C2: variants seen among roughly 807,000 people sequenced by gnomAD.
C2 encodes complement C2, also known as C3/C5 convertase.
Under a neutral mutation model 85.2 loss-of-function variants are expected in C2, and 64 were observed. That is an observed-to-expected ratio of 0.75 (90% CI 0.61 to 0.92). The LOEUF (loss-of-function observed/expected upper bound fraction) is 0.92. C2 is among the 40% of genes least tolerant of loss of function. The pLI, the probability that C2 is intolerant of heterozygous loss-of-function variation, is 0.00. For missense variants in C2, 820 were observed against 971.6 expected (o/e 0.84, Z 2.07); for synonymous variants, 311 against 370.8 (o/e 0.84, Z 1.85).
At chr6:31,913,501 G>A (rs1582030343) in intron 1 of C2, among the ~76,000 whole-genome samples, 1 of 152,174 alleles carries the variant, frequency 6.6e-6, no homozygotes, top group East Asian at 1.9e-4. Flanking sequence ...ATTTGAACCT[G>A]GAAGGCAGAG....
chr6:31,934,331 G>A lies in C2; in HGVS notation c.849+32G>A, dbSNP rs550634577. 14 of 1,613,542 alleles carry A rather than the reference G, an allele frequency of 8.7e-6. No individual in the cohort carries two copies. In the South Asian group the frequency reaches 1.5e-4, roughly 18 times the overall value. ...AATCAGGAGTCTGCCTGCAGCAGAG[G>A]CCTTCCTGTGCTCACTATCTCTCTC... On this transcript the variant is annotated intron_variant, in intron 6 of 17. Transcript: ENST00000299367.
At chr6:31,906,217 GGCTT>G (rs1767701964) in intron 1 of C2, among the ~76,000 whole-genome samples, 1 of 151,898 alleles carries the variant, frequency 6.6e-6, no homozygotes, top group African/African-American at 2.4e-5. Context: ...TGTTGGAAGG[GGCTT>G]ACTGCTTGGG....
rs767634307 is a variant in C2, at chr6:31,934,308, T to C, written c.849+9T>C. On this transcript the variant is annotated intron_variant, in intron 6 of 17. Transcript: ENST00000299367. ...CCCTCATGGTGGACAGGGTCAGGAA[T>C]CAGGAGTCTGCCTGCAGCAGAGGCC... 10 of 1,593,846 alleles carry C rather than the reference T, an allele frequency of 6.3e-6. No individual in the cohort carries two copies. The highest frequency in any genetic ancestry group is 6.9e-6 in the Non-Finnish European group (8 of 1,162,560).
Position 31,933,869 on chromosome 6 carries a change from C to T in C2, c.619C>T (p.Pro207Ser). Reference sequence around the variant, plus strand: ...CTCCTGTGTGGCTCTCCCCACAGAACCCTACTCTTATGACTTCCCTGAGGA... The same window carrying T: ...CTCCTGTGTGGCTCTCCCCACAGAATCCTACTCTTATGACTTCCCTGAGGA... Reference protein sequence around the residue: ...WSGTEPICRQPYSYDFPEDVA... With the variant: ...WSGTEPICRQSYSYDFPEDVA... The change falls in exon 5 of 18, where the codon CCC becomes TCC. Residue 207 changes from proline to serine, a missense_variant and splice_region_variant. Pro to Ser is a moderately conservative substitution (Grantham distance 74). Transcript: ENST00000299367. 1.2e-6 allele frequency: 2 copies of T among 1,614,006 alleles called. No individual in the cohort carries two copies. The highest frequency in any genetic ancestry group is 1.1e-5 in the South Asian group (1 of 91,084).
chr6:31,944,982 G>A lies in C2; in HGVS notation c.2032G>A (p.Glu678Lys), dbSNP rs756513158. The A allele has an allele frequency of 1.2e-6, 2 of 1,612,998 alleles. No individual in the cohort carries two copies. The highest frequency in any genetic ancestry group is 8.5e-7 in the Non-Finnish European group (1 of 1,180,044). ...CTCCTGTCACCCTTTGCTGGCAGGAGAATCTGGGGGAGCAGTTTTCCTTGA... is the reference window on the plus strand; with the variant it reads ...CTCCTGTCACCCTTTGCTGGCAGGAAAATCTGGGGGAGCAGTTTTCCTTGA... Reference protein sequence around the residue: ...TQEDESPCKGESGGAVFLERR... With the variant: ...TQEDESPCKGKSGGAVFLERR... Residue 678 changes from glutamate to lysine, a missense_variant and splice_region_variant, in exon 17 of 18, where the codon GAA becomes AAA. Glu to Lys is a moderately conservative substitution (Grantham distance 56). Coordinates refer to ENST00000299367, the MANE Select transcript of C2 (RefSeq NM_000063.6). This position sits in a 1 kb window ranked among gnomAD's most constrained non-coding sequence, Gnocchi z 5.1.
At chr6:31,903,348 G>C (rs62395849) in intron 1 of C2, among the ~76,000 whole-genome samples, 3,857 of 152,344 alleles carry the variant, frequency 0.025, 68 homozygotes, top group Non-Finnish European at 0.035. Flanking sequence ...TCATGCAATA[G>C]GGAGGGTGTG....
chr6:31,940,907 C>A (rs964197280), intron 9 of C2, among the ~76,000 whole-genome samples: 1 of 152,216 alleles, frequency 6.6e-6, no homozygotes, highest in African/African-American at 2.4e-5. Flanking sequence ...TTTTTACACA[C>A]AACGCGGGGC....
In C2 at chr6:31,927,780, C is replaced by T. The variant is rs1427887267; in HGVS notation, c.28C>T (p.Leu10=). 1.2e-6 allele frequency: 2 copies of T among 1,613,592 alleles called. No individual in the cohort carries two copies. The highest frequency in any genetic ancestry group is 1.7e-6 in the Non-Finnish European group (2 of 1,180,020). Reference sequence around the variant, plus strand: ...GGGCCCACTGATGGTTCTTTTTTGCCTGCTGTTCCTGTACCCAGGTAGGAG... The same window carrying T: ...GGGCCCACTGATGGTTCTTTTTTGCTTGCTGTTCCTGTACCCAGGTAGGAG... MGPLMVLFC[L]LFLYPGLADS... The change falls in exon 1 of 18, where the codon CTG becomes TTG. Residue 10 remains leucine (L), a synonymous_variant. Transcript: ENST00000299367. The surrounding 1 kb of genome is among the most constrained non-coding windows in gnomAD (Gnocchi z 4.7).
rs1458654125 is a variant in C2 at position 31,920,618 on chromosome 6, T to A, written c.-100+592T>A. Among the ~76,000 whole-genome samples, 1 of 152,086 alleles carries A rather than the reference T, an allele frequency of 6.6e-6. No individual in the cohort carries two copies. Among genetic ancestry groups the A allele is most frequent in the African/African-American group, 2.4e-5 (1 of 41,400 alleles). The stretch of plus-strand genomic sequence containing the variant: ...CTGATGGGTAGCAAGAAGTGGGTGA[T>A]AACATGCACCATGCCCCCCACCAGC... On this transcript the variant is annotated intron_variant, in intron 1 of 3. Transcript: ENST00000413154. This position sits in a 1 kb window ranked among gnomAD's most constrained non-coding sequence, Gnocchi z 5.6.
Position 31,922,694 on chromosome 6 carries a change from T to C in C2, c.-100+2668T>C, listed in dbSNP as rs1392443105. On this transcript the variant is annotated intron_variant, in intron 1 of 3. Coordinates refer to the C2 transcript ENST00000413154. The surrounding 1 kb of genome is among the most constrained non-coding windows in gnomAD (Gnocchi z 4.8). ...CCATCTCTACTAAAAATACAAAAAT[T>C]AGCTGGGCATGGTAGCACATGCCTG... 6.6e-6 allele frequency among the ~76,000 whole-genome samples: 1 copy of C among 151,978 alleles called. No homozygotes were observed. The highest frequency in any genetic ancestry group is 1.5e-5 in the Non-Finnish European group (1 of 67,972).
intron 8 of C2, 64 bp from the exon 9 acceptor site, chr6:31,939,167 C>A: frequency 8.6e-7 from 1 of 1,164,582 alleles, no homozygotes; most frequent in Non-Finnish European, 1.3e-6. Context: ...TGCTTTCCTA[C>A]TCTTCCAGGG....
rs1465334082 is a variant in C2 at position 31,945,149 on chromosome 6, C to T, written c.2080-29C>T. The T allele has an allele frequency of 3.1e-6, 5 of 1,611,594 alleles. No homozygotes were observed. Among genetic ancestry groups the T allele is most frequent in the Non-Finnish European group, 4.2e-6 (5 of 1,178,896 alleles). On this transcript the variant is annotated intron_variant, in intron 17 of 17. Coordinates refer to ENST00000299367, the MANE Select transcript of C2 (RefSeq NM_000063.6). The surrounding 1 kb of genome is among the most constrained non-coding windows in gnomAD (Gnocchi z 5.3). ...GGCTTACAGTTGGGGCTGTGGCAGC[C>T]TCCCAGCCAGTTCTCTCCTTTTCTC...
In C2 at chr6:31,904,052, C is replaced by G. The variant is rs1297071751; in HGVS notation, c.73+2913C>G. 1.3e-5 allele frequency among the ~76,000 whole-genome samples: 2 copies of G among 151,932 alleles called. No individual in the cohort carries two copies. Among genetic ancestry groups the G allele is most frequent in the Non-Finnish European group, 2.9e-5 (2 of 68,030 alleles). On this transcript the variant is annotated intron_variant, in intron 1 of 3. Transcript: ENST00000452202. This position sits in a 1 kb window ranked among gnomAD's most constrained non-coding sequence, Gnocchi z 4.4. ...TCATTAAAAAAATAAAATAAAAGCC[C>G]TATTCCTGTACCAAATGAGGCCCAC...
At position 31,927,929 on chromosome 6, in the gene C2, C is replaced by G. The variant is rs919348974; in HGVS notation, c.47-26C>G. ...CTGTGTCTTCCTTCTTTCTCCATTGCTGTCTCCTTGTTCCCACGGCTCTAG... is the reference window on the plus strand; with the variant it reads ...CTGTGTCTTCCTTCTTTCTCCATTGGTGTCTCCTTGTTCCCACGGCTCTAG... On this transcript the variant is annotated intron_variant, in intron 1 of 17. Transcript: ENST00000299367. The surrounding 1 kb of genome is among the most constrained non-coding windows in gnomAD (Gnocchi z 4.7). 5 of 1,602,574 alleles carry G rather than the reference C, an allele frequency of 3.1e-6. No individual in the cohort carries two copies. Among genetic ancestry groups the G allele is most frequent in the Middle Eastern group, 1.7e-4 (1 of 6,048 alleles).
chr6:31,927,342 G>C (rs1463061996), upstream of C2: 3 of 320,932 alleles, frequency 9.3e-6, no homozygotes, highest in Non-Finnish European at 1.6e-5. This position sits in a 1 kb window ranked among gnomAD's most constrained non-coding sequence, Gnocchi z 4.7. Flanking sequence ...ATGGTTTGTG[G>C]GTTTGTGTGC....
chr6:31,940,074 C>G (rs1434357747), intron 9 of C2, among the ~76,000 whole-genome samples: 1 of 152,182 alleles, frequency 6.6e-6, no homozygotes, highest in Non-Finnish European at 1.5e-5. Context: ...GCCACTGTGC[C>G]TGGCCAATTT....
At position 31,943,983 on chromosome 6, in the gene C2, T is replaced by G. The variant is rs1452615827; in HGVS notation, c.1800T>G (p.Cys600Trp). The G allele has an allele frequency of 6.2e-7, 1 of 1,612,890 alleles. No individual in the cohort carries two copies. Among genetic ancestry groups the G allele is most frequent in the South Asian group, 1.1e-5 (1 of 91,066 alleles). The change falls in exon 14 of 18, where the codon TGT becomes TGG. Residue 600 changes from cysteine to tryptophan, a missense_variant. Transcript: ENST00000299367. This position sits in a 1 kb window ranked among gnomAD's most constrained non-coding sequence, Gnocchi z 6.4. The part of the protein sequence containing the change: ...LALRRPQGST[C>W]RDHENELLNK... The stretch of plus-strand genomic sequence containing the variant: ...TGCGGAGACCTCAAGGCAGCACCTG[T>G]AGGGACCATGGTGAGTGCTGGGACT...
At chr6:31,941,469 C>T (rs1238507361) in intron 9 of C2, 2 of 152,372 alleles carry the variant, frequency 1.3e-5, no homozygotes, top group East Asian at 3.9e-4. Flanking sequence ...CTACCTGTGT[C>T]TTTGTGTCCA....
At chr6:31,929,241 C>G (rs1769524367) in intron 3 of C2, among the ~76,000 whole-genome samples, 1 of 152,168 alleles carries the variant, frequency 6.6e-6, no homozygotes, top group East Asian at 1.9e-4. Context: ...GGGAGAGAGT[C>G]AAGTACTGTG....
Sources: allele counts gnomAD v4.1 joint callset (sites outside exome capture counted in the v4.1 genomes callset), GRCh38; gene constraint gnomAD v4.1.1; non-coding constraint Gnocchi (gnomAD v3.1); transcripts MANE v1.5; gene names NCBI Gene and HGNC (gene_info 2026-07-23, HGNC 2026-07-21).